CEACAM8: variants seen among roughly 807,000 people sequenced by gnomAD.
CEACAM8 encodes the protein CEA cell adhesion molecule 8.
CEACAM8 carries 31 observed loss-of-function variants against 33.4 expected under a neutral mutation model. The observed-to-expected ratio is 0.93, with a 90% CI of 0.70 to 1.25. The LOEUF is 1.25. Among genes scored for constraint, CEACAM8 ranks in the 50% most tolerant of loss-of-function variants. CEACAM8 has a pLI of 0.00. For missense variants in CEACAM8, 388 were observed against 434.6 expected (o/e 0.89, Z 0.95); for synonymous variants, 138 against 164.5 (o/e 0.84, Z 1.23).
chr19:42,583,372 T>C, intron 4 of CEACAM8, 35 bp from the exon 5 acceptor site: 1 of 1,450,848 alleles, frequency 6.9e-7, no homozygotes, highest in African/African-American at 1.4e-5. Context: ...AGGAATGAAG[T>C]TGATGCCATT....
chr19:42,589,344 G>C (rs2147865605), intron 3 of CEACAM8, 113 bp downstream of exon 3: 3 of 1,512,944 alleles, frequency 2.0e-6, no homozygotes, highest in Non-Finnish European at 2.7e-6. Flanking sequence ...TGGGTTTCTA[G>C]GGGTGGGTGG....
chr19:42,585,780 T>C (rs2042327418), intron 4 of CEACAM8, among the ~76,000 whole-genome samples: 1 of 152,074 alleles, frequency 6.6e-6, no homozygotes, highest in South Asian at 2.1e-4. Flanking sequence ...GACTTTCAGA[T>C]TGGAAAGAAG....
At chr19:42,585,121 C>T (rs1456326814) in intron 4 of CEACAM8, among the ~76,000 whole-genome samples, 2 of 151,748 alleles carry the variant, frequency 1.3e-5, no homozygotes, top group Admixed American at 6.6e-5. Flanking sequence ...ATAGGGAGAC[C>T]CTGTCTCTAC....
intron 1 of CEACAM8, 103 bp from the exon 2 acceptor site, chr19:42,594,003 G>C (rs542599346): frequency 1.6e-6 from 2 of 1,229,246 alleles, no homozygotes; most frequent in African/African-American, 3.0e-5. Context: ...GTGTGTGTAT[G>C]TGTGTGTGTC....
At chr19:42,594,685 G>C (rs2042513577) in intron 1 of CEACAM8, 80 bp downstream of exon 1, 1 of 1,148,754 alleles carries the variant, frequency 8.7e-7, no homozygotes. Context: ...TCCCCTCTCA[G>C]AGCCCCGTCC....
chr19:42,594,818 A>G lies in CEACAM8; in HGVS notation c.11T>C (p.Ile4Thr), dbSNP rs2042517216. Residue 4 changes from isoleucine (I) to threonine (T), a missense_variant, in exon 1 of 6, where the codon ATC (isoleucine) becomes ACC (threonine). Ile to Thr is a moderately conservative substitution (Grantham distance 89). Transcript: ENST00000244336. MGP[I>T]SAPSCRWRIP... Reference sequence around the variant, plus strand: ...GCGCCATCTGCAGGAAGGGGCTGAGATGGGCCCCATGGTCTCTGCTGCCTG... The same window carrying G: ...GCGCCATCTGCAGGAAGGGGCTGAGGTGGGCCCCATGGTCTCTGCTGCCTG... The G allele has an allele frequency of 2.5e-6, 4 of 1,610,522 alleles. No individual in the cohort carries two copies. Among genetic ancestry groups the G allele is most frequent in the Middle Eastern group, 1.7e-4 (1 of 6,042 alleles).
At position 42,589,014 on chromosome 19, in the gene CEACAM8, G is replaced by A. The variant is rs985625692; in HGVS notation, c.728C>T (p.Ser243Phe). The A allele has an allele frequency of 1.9e-6, 3 of 1,613,738 alleles. No individual in the cohort carries two copies. The highest frequency in any genetic ancestry group is 2.5e-6 in the Non-Finnish European group (3 of 1,179,734). The change falls in exon 4 of 6, where the codon TCC becomes TTC. Residue 243 changes from serine to phenylalanine, a missense_variant. Ser to Phe is a radical substitution (Grantham distance 155). Transcript: ENST00000244336. ...TGCATGGTAATAGGTGTCTGAAGGG[G>A]AAATGGTGGGGGCATCTGGGCCATC... ...VLYGPDAPTISPSDTYYHAGV... is the reference protein window; with the variant it reads ...VLYGPDAPTIFPSDTYYHAGV...
intron 2 of CEACAM8, among the ~76,000 whole-genome samples, chr19:42,592,190 G>A (rs375906836): frequency 6.6e-6 from 1 of 152,282 alleles, no homozygotes; most frequent in Admixed American, 6.5e-5. Context: ...AAGAGAGGAC[G>A]GGGCTGTGGC....
rs2042493557 is a variant in CEACAM8 at position 42,593,834 on chromosome 19, T to C, written c.131A>G (p.Asn44Ser). The C allele has an allele frequency of 1.2e-6, 2 of 1,613,852 alleles. No individual in the cohort carries two copies. The highest frequency in any genetic ancestry group is 1.7e-5 in the Admixed American group (1 of 60,008). The change falls in exon 2 of 6, where the codon AAT (asparagine) becomes AGT (serine). Residue 44 changes from asparagine (N) to serine (S), a missense_variant. Physicochemically the swap from Asn to Ser is conservative, Grantham distance 46. Transcript: ENST00000244336. The part of the protein sequence containing the change: ...AQLTIEAVPS[N>S]AAEGKEVLLL... ...AAGAACCTCCTTCCCCTCTGCAGCATTGGATGGCACAGCTTCAATAGTGAG... is the reference window on the plus strand; with the variant it reads ...AAGAACCTCCTTCCCCTCTGCAGCACTGGATGGCACAGCTTCAATAGTGAG...
In CEACAM8 at chr19:42,583,423, T is replaced by TA. The variant is rs1478102018; in HGVS notation, c.959-87dup. 13 of 820,682 alleles carry TA rather than the reference T, an allele frequency of 1.6e-5. No individual in the cohort carries two copies. In the East Asian group the frequency reaches 2.8e-4, roughly 17 times the overall value. 50.8% of individuals were successfully genotyped at this position (820,682 alleles called of 1,614,324 possible). ...CCAGGAACCAGCTCCTAGCATGAAG[T>TA]AGTCTCTACTTGTTTTTTCAAGGAA... On this transcript the variant is annotated intron_variant, in intron 4 of 5. Transcript: ENST00000244336.
In CEACAM8 at chr19:42,583,190, G is replaced by C; in HGVS notation, c.*40+16C>G. On this transcript the variant is annotated intron_variant, in intron 5 of 5. Transcript: ENST00000244336. ...CAGCCCTGCAGGAAACAGGACAAGA[G>C]GAAAGGCCATCATACCTGCCAGTCT... 1 of 1,143,216 alleles carries C rather than the reference G, an allele frequency of 8.7e-7. No individual in the cohort carries two copies. Among genetic ancestry groups the C allele is most frequent in the Non-Finnish European group, 1.3e-6 (1 of 760,986 alleles). 70.8% of individuals were successfully genotyped at this position (1,143,216 alleles called of 1,614,324 possible). A position where few individuals can be genotyped will look rare whatever the true frequency, so the allele number is the denominator to read the frequency against.
intron 4 of CEACAM8, among the ~76,000 whole-genome samples, 169 bp from the exon 5 acceptor site, chr19:42,583,506 G>A (rs1419832207): frequency 6.6e-6 from 1 of 152,176 alleles, no homozygotes; most frequent in East Asian, 1.9e-4. Flanking sequence ...ATTCTTGCAG[G>A]ATTTTTTCCT....
In CEACAM8 at chr19:42,594,898, T is replaced by A; in HGVS notation, c.-70A>T. 6.6e-7 allele frequency: 1 copy of A among 1,518,712 alleles called. No homozygotes were observed. Among genetic ancestry groups the A allele is most frequent in the Non-Finnish European group, 9.0e-7 (1 of 1,116,504 alleles). 94.1% of individuals were successfully genotyped at this position (1,518,712 alleles called of 1,614,324 possible). A position where few individuals can be genotyped will look rare whatever the true frequency, so the allele number is the denominator to read the frequency against. Reference sequence around the variant, plus strand: ...GATCCAGAAACTTTCTGAGCACGGCTGTCAGCTGTGCTGTCCTTCCTCCTT... The same window carrying A: ...GATCCAGAAACTTTCTGAGCACGGCAGTCAGCTGTGCTGTCCTTCCTCCTT... On this transcript the variant is annotated 5_prime_UTR_variant, in exon 1 of 6. Coordinates refer to ENST00000244336, the MANE Select transcript of CEACAM8 (RefSeq NM_001816.4).
At chr19:42,586,685 CT>C (rs1456160603) in intron 4 of CEACAM8, among the ~76,000 whole-genome samples, 1 of 152,154 alleles carries the variant, frequency 6.6e-6, no homozygotes, top group African/African-American at 2.4e-5. Context: ...ACAGTGGTTT[CT>C]TGGTTATAAC....
chr19:42,594,872 G>A lies in CEACAM8; in HGVS notation c.-44C>T. 1 of 1,582,266 alleles carries A rather than the reference G, an allele frequency of 6.3e-7. No individual in the cohort carries two copies. Reference sequence around the variant, plus strand: ...GTTCTCCTCTGTGGAGATGAGCCTGGGATCCAGAAACTTTCTGAGCACGGC... The same window carrying A: ...GTTCTCCTCTGTGGAGATGAGCCTGAGATCCAGAAACTTTCTGAGCACGGC... On this transcript the variant is annotated 5_prime_UTR_variant, in exon 1 of 6. Coordinates refer to ENST00000244336, the MANE Select transcript of CEACAM8 (RefSeq NM_001816.4).
At chr19:42,588,045 C>T (rs777471808) in intron 4 of CEACAM8, among the ~76,000 whole-genome samples, 8 of 152,226 alleles carry the variant, frequency 5.3e-5, no homozygotes, top group Non-Finnish European at 8.8e-5. Flanking sequence ...TCCAAGTGTG[C>T]ATCACTCACT....
intron 4 of CEACAM8, among the ~76,000 whole-genome samples, chr19:42,585,419 A>T (rs2147858096): frequency 6.6e-6 from 1 of 152,296 alleles, no homozygotes; most frequent in South Asian, 2.1e-4. Context: ...TACTATGAAT[A>T]ATTGTATGCC....
chr19:42,584,069 A>G (rs1210292566), intron 4 of CEACAM8, among the ~76,000 whole-genome samples: 1 of 152,168 alleles, frequency 6.6e-6, no homozygotes, highest in African/African-American at 2.4e-5. Context: ...CAGTGGGTTA[A>G]AAACTAACAT....
rs2042403721 is a variant in CEACAM8 at position 42,589,835 on chromosome 19, T to G, written c.425-100A>C. ...TGGCATCTCCCACCTCTCAGCCTAC[T>G]CGAGTCCTTAAAAGCCCACGGTGGG... On this transcript the variant is annotated intron_variant, in intron 2 of 5. Coordinates refer to ENST00000244336, the MANE Select transcript of CEACAM8 (RefSeq NM_001816.4). 4 of 1,585,554 alleles carry G rather than the reference T, an allele frequency of 2.5e-6. No homozygotes were observed. In the Admixed American group the frequency reaches 6.8e-5, roughly 27 times the overall value.
Sources: allele counts gnomAD v4.1 joint callset (sites outside exome capture counted in the v4.1 genomes callset), GRCh38; gene constraint gnomAD v4.1.1; transcripts MANE v1.5; gene names NCBI Gene and HGNC (gene_info 2026-07-23, HGNC 2026-07-21).